Variants in JMJD1C observed in about 807,000 individuals in gnomAD.
The protein encoded by JMJD1C is jumonji domain-containing protein 1C.
JMJD1C carries 31 observed loss-of-function variants against 245.3 expected under a neutral mutation model. The observed-to-expected ratio is 0.13, with a 90% CI of 0.09 to 0.17. JMJD1C has a LOEUF of 0.17. Among genes scored for constraint, JMJD1C ranks in the 10% least tolerant of loss-of-function variants. JMJD1C has a pLI of 1.00. For synonymous variants in JMJD1C, 1,057 were observed against 1,017.4 expected (o/e 1.04, Z -0.74); for missense variants, 2,691 against 3,000.2 (o/e 0.90, Z 2.41).
At chr10:63,502,948 G>A (rs1397695740) in intron 1 of JMJD1C, among the ~76,000 whole-genome samples, 1 of 152,116 alleles carries the variant, frequency 6.6e-6, no homozygotes, top group African/African-American at 2.4e-5. Flanking sequence ...CACATACTAT[G>A]TATCACCCAA....
At chr10:63,197,004 T>C (rs1318748156) in intron 13 of JMJD1C, among the ~76,000 whole-genome samples, 2 of 151,972 alleles carry the variant, frequency 1.3e-5, no homozygotes, top group Admixed American at 1.3e-4. Flanking sequence ...GGTTTTGCCA[T>C]GTTGCCCAGG....
Position 63,440,903 on chromosome 10 carries a change from A to G in JMJD1C, c.168+24592T>C, listed in dbSNP as rs1270233929. On this transcript the variant is annotated intron_variant, in intron 1 of 25. Coordinates refer to ENST00000399262, the MANE Select transcript of JMJD1C (RefSeq NM_032776.3). Reference sequence around the variant, plus strand: ...ATAGTACCTATCTTATAGATCAAAAAAGCCATGGTTCAGAGAGGTTAAATC... The same window carrying G: ...ATAGTACCTATCTTATAGATCAAAAGAGCCATGGTTCAGAGAGGTTAAATC... 2.0e-5 allele frequency among the ~76,000 whole-genome samples: 3 copies of G among 152,296 alleles called. No individual in the cohort carries two copies. In the East Asian group the frequency reaches 5.8e-4, roughly 29 times the overall value.
intron 24 of JMJD1C, among the ~76,000 whole-genome samples, chr10:63,172,047 G>T (rs1431159509): frequency 6.6e-6 from 1 of 152,188 alleles, no homozygotes; most frequent in Non-Finnish European, 1.5e-5. Context: ...GGAGAGGAAA[G>T]GTAGCAATTC....
intron 1 of JMJD1C, among the ~76,000 whole-genome samples, chr10:63,434,719 AAAAC>A (rs1348225358): frequency 2.0e-5 from 3 of 152,190 alleles, no homozygotes; most frequent in African/African-American, 7.2e-5. Flanking sequence ...TCTATTAAGA[AAAAC>A]AAACAAAAAA....
intron 1 of JMJD1C, among the ~76,000 whole-genome samples, chr10:63,483,662 A>C (rs1953895806): frequency 6.6e-6 from 1 of 152,162 alleles, no homozygotes; most frequent in Non-Finnish European, 1.5e-5. Context: ...AAAAAGATGG[A>C]TTATCTTCCC....
chr10:63,366,228 CAA>C (rs1352349693), intron 2 of JMJD1C, among the ~76,000 whole-genome samples: 1 of 152,176 alleles, frequency 6.6e-6, no homozygotes, highest in Non-Finnish European at 1.5e-5. Flanking sequence ...CCAATACAAA[CAA>C]TGATCACCAA....
chr10:63,515,647 T>G (rs1211797498), intron 1 of JMJD1C, among the ~76,000 whole-genome samples: 1 of 152,226 alleles, frequency 6.6e-6, no homozygotes, highest in African/African-American at 2.4e-5. Context: ...GAGGATGTGG[T>G]TTGCCCTGTG....
intron 2 of JMJD1C, among the ~76,000 whole-genome samples, chr10:63,325,400 A>G: frequency 6.6e-6 from 1 of 152,202 alleles, no homozygotes; most frequent in African/African-American, 2.4e-5. Context: ...GAGTGCTGTG[A>G]GGAGATCACA....
Position 63,403,867 on chromosome 10 carries a change from C to G in JMJD1C, c.169-23385G>C, listed in dbSNP as rs185173684. 7.0e-3 allele frequency among the ~76,000 whole-genome samples: 1,073 copies of G among 152,210 alleles called. 16 individuals carry two copies. The highest frequency in any genetic ancestry group is 0.023 in the African/African-American group (973 of 41,526). On this transcript the variant is annotated intron_variant, in intron 1 of 25. Transcript: ENST00000399262. ...AGGAGAATCATTTGAACCTAGGAGG[C>G]GGAGGTTGCAGTGAGCCGAGATTGC...
chr10:63,202,956 A>G (rs1262904571), intron 10 of JMJD1C: 2 of 984,216 alleles, frequency 2.0e-6, no homozygotes, highest in East Asian at 2.3e-4. Flanking sequence ...TTAATTCCAG[A>G]TAATGGAACA....
intron 2 of JMJD1C, among the ~76,000 whole-genome samples, chr10:63,377,392 A>G (rs1946831050): frequency 6.6e-6 from 1 of 152,210 alleles, no homozygotes; most frequent in Admixed American, 6.5e-5. Context: ...TTAAAATGGC[A>G]AATTTTATGT....
intron 2 of JMJD1C, among the ~76,000 whole-genome samples, chr10:63,369,583 T>C (rs539475916): frequency 1.1e-4 from 17 of 152,344 alleles, no homozygotes; most frequent in Non-Finnish European, 2.5e-4. Flanking sequence ...AGATTGACTG[T>C]TTATTTAAAT....
At chr10:63,267,799 C>T (rs1455153294) in intron 2 of JMJD1C, among the ~76,000 whole-genome samples, 5 of 152,034 alleles carry the variant, frequency 3.3e-5, no homozygotes, top group South Asian at 2.1e-4. Context: ...AAATAGTCTA[C>T]GGCCAAAATA....
intron 2 of JMJD1C, among the ~76,000 whole-genome samples, chr10:63,327,702 C>A (rs1486041348): frequency 6.6e-6 from 1 of 150,972 alleles, no homozygotes; most frequent in African/African-American, 2.4e-5. Context: ...GAGTTTCGCT[C>A]TTGTTCCCCA....
intron 1 of JMJD1C, among the ~76,000 whole-genome samples, chr10:63,488,566 T>C (rs1429951887): frequency 1.3e-5 from 2 of 151,720 alleles, no homozygotes; most frequent in African/African-American, 4.8e-5. Flanking sequence ...GTACTATATT[T>C]AAAGATAACA....
intron 1 of JMJD1C, among the ~76,000 whole-genome samples, chr10:63,392,436 G>C (rs1175716667): frequency 6.6e-6 from 1 of 152,070 alleles, no homozygotes; most frequent in Non-Finnish European, 1.5e-5. Context: ...ACAACCTGTT[G>C]AATGGAAGAA....
intron 1 of JMJD1C, among the ~76,000 whole-genome samples, chr10:63,504,625 G>A (rs1391346155): frequency 6.6e-6 from 1 of 152,166 alleles, no homozygotes; most frequent in Non-Finnish European, 1.5e-5. Flanking sequence ...GGCTTTGTGG[G>A]CAAACATGAA....
At chr10:63,285,431 C>T (rs1857872247) in intron 2 of JMJD1C, among the ~76,000 whole-genome samples, 1 of 152,154 alleles carries the variant, frequency 6.6e-6, no homozygotes, top group Admixed American at 6.5e-5. Context: ...AAATCCCTTC[C>T]CTTGCCCTCT....
rs769901624 is a variant in JMJD1C at position 63,336,715 on chromosome 10, A to AT, written c.333+43602dup. On this transcript the variant is annotated intron_variant, in intron 2 of 25. Coordinates refer to ENST00000399262, the MANE Select transcript of JMJD1C (RefSeq NM_032776.3). ...GGCTGCTTGGTTTCACACAAATCCT[A>AT]TATTAGAAAACCCTGACAATCCGAT... Among the ~76,000 whole-genome samples the AT allele has an allele frequency of 5.5e-4, 84 of 152,138 alleles. 1 individual carries two copies. Among genetic ancestry groups the AT allele is most frequent in the Non-Finnish European group, 1.5e-4 (10 of 68,028 alleles).
Sources: gnomAD v4.1 joint callset for allele counts (sites outside exome capture counted in the v4.1 genomes callset) on GRCh38, gnomAD v4.1.1 for gene constraint, MANE v1.5 for transcripts, NCBI Gene and HGNC (gene_info 2026-07-23, HGNC 2026-07-21) for gene names.